Variants in SP140 observed in about 807,000 individuals in gnomAD.
SP140 encodes the protein nuclear body protein SP140.
A neutral mutation model predicts 125.0 loss-of-function variants in SP140; 81 were observed. The ratio of observed to expected loss-of-function variants is 0.65; its 90% CI spans 0.54 to 0.78. SP140 has a LOEUF of 0.78. SP140 is among the 30% of genes least tolerant of loss of function. The pLI is 0.00. For missense variants in SP140, 858 were observed against 1,037.0 expected (o/e 0.83, Z 2.37); for synonymous variants, 312 against 354.0 (o/e 0.88, Z 1.33).
chr2:230,305,199 A>G (rs975509706), intron 22 of SP140, among the ~76,000 whole-genome samples: 4 of 152,254 alleles, frequency 2.6e-5, no homozygotes, highest in East Asian at 1.9e-4. Flanking sequence ...CAAAACCGCA[A>G]TGCGATACCA....
chr2:230,240,105 A>G (rs377328494), intron 3 of SP140, among the ~76,000 whole-genome samples: 1 of 152,230 alleles, frequency 6.6e-6, no homozygotes, highest in African/African-American at 2.4e-5. Context: ...TTGTAAAAAG[A>G]TTGAAAAAAG....
chr2:230,308,724 G>C (rs559787036), intron 22 of SP140, among the ~76,000 whole-genome samples: 14 of 152,332 alleles, frequency 9.2e-5, no homozygotes, highest in African/African-American at 3.4e-4. Context: ...TCAAAAATAC[G>C]CAGAAGGTGC....
chr2:230,254,889 G>T (rs1487162159), intron 11 of SP140, among the ~76,000 whole-genome samples: 1 of 152,068 alleles, frequency 6.6e-6, no homozygotes, highest in Non-Finnish European at 1.5e-5. Flanking sequence ...TTTTATATGT[G>T]GGCCCTTGAG....
At chr2:230,206,940 AG>A (rs1228446165) in intron 1 of SP140, among the ~76,000 whole-genome samples, 8 of 152,112 alleles carry the variant, frequency 5.3e-5, no homozygotes, top group African/African-American at 1.7e-4. Flanking sequence ...TAAATCCTAA[AG>A]TACCAGGAAA....
At chr2:230,292,616 G>A (rs1158337478) in intron 19 of SP140, 30 bp from the exon 20 acceptor site, 1 of 1,613,724 alleles carries the variant, frequency 6.2e-7, no homozygotes, top group Admixed American at 1.7e-5. Context: ...AAAAAAGAGG[G>A]CTCAGGATCA....
chr2:230,189,596 G>T, the SP140 span, among the ~76,000 whole-genome samples: 5 of 151,954 alleles, frequency 3.3e-5, no homozygotes, highest in Admixed American at 3.3e-4. Flanking sequence ...CCCCAAAATG[G>T]GACACACGTG....
In SP140 at chr2:230,312,584, A is replaced by G. The variant is rs762630036; in HGVS notation, c.2506-2A>G. 2 of 1,592,390 alleles carry G rather than the reference A, an allele frequency of 1.3e-6. No homozygotes were observed. Among genetic ancestry groups the G allele is most frequent in the Non-Finnish European group, 1.7e-6 (2 of 1,163,824 alleles). ...TTGTTTTTGTCTTTATTATTTTTTC[A>G]GTACAAGGATTTTGGCCAAATGGGA... On this transcript the variant is annotated splice_acceptor_variant, in intron 26 of 26. Coordinates refer to ENST00000392045, the MANE Select transcript of SP140 (RefSeq NM_007237.5). LOFTEE classifies it high-confidence loss of function.
In SP140 at chr2:230,216,701, G is replaced by C. The variant is rs564958619; in HGVS notation, c.-91+2627G>C. ...GGCCTTCCAAACTCTGGAAGCCCTG[G>C]TGGTTTGTGGTTTGAGACTTTAATA... On this transcript the variant is annotated intron_variant, in intron 3 of 4. Transcript: ENST00000456542. The C allele has an allele frequency of 4.3e-4, 676 of 1,556,668 alleles. 1 individual carries two copies. The Middle Eastern group carries it at 6.1e-3, about 14-fold the overall frequency.
intron 3 of SP140, 25 bp from the exon 4 acceptor site, chr2:230,241,379 G>A: frequency 6.9e-7 from 1 of 1,447,870 alleles, no homozygotes; most frequent in Non-Finnish European, 9.7e-7. Context: ...TCTGAGTTTG[G>A]TAATTTTCAC....
At position 230,251,069 on chromosome 2, in the gene SP140, A is replaced by G; in HGVS notation, c.1057+8A>G. On this transcript the variant is annotated splice_region_variant and intron_variant, in intron 10 of 26. Transcript: ENST00000392045. ...TAGCAAGATGTGGGTCAGGTAAAGA[A>G]GGGGAGGATTTCTGGCCCTGGGCTG... 2 of 1,611,558 alleles carry G rather than the reference A, an allele frequency of 1.2e-6. No homozygotes were observed. Among genetic ancestry groups the G allele is most frequent in the African/African-American group, 2.7e-5 (2 of 74,982 alleles).
intron 7 of SP140, among the ~76,000 whole-genome samples, chr2:230,246,377 G>A (rs150951777): frequency 3.3e-4 from 50 of 152,264 alleles, no homozygotes; most frequent in African/African-American, 1.1e-3. Context: ...ATATTACCAC[G>A]TTGGGTAACA....
chr2:230,257,096 A>G (rs752201057), intron 12 of SP140, among the ~76,000 whole-genome samples: 1 of 151,972 alleles, frequency 6.6e-6, no homozygotes, highest in East Asian at 1.9e-4. Flanking sequence ...TGAGGTGGGC[A>G]TGGGTTGGGG....
At chr2:230,251,443 A>T (rs1302879223) in intron 10 of SP140, among the ~76,000 whole-genome samples, 1 of 152,212 alleles carries the variant, frequency 6.6e-6, no homozygotes, top group Non-Finnish European at 1.5e-5. Flanking sequence ...GGGGCCAGAC[A>T]AACTGGGTAA....
At chr2:230,271,691 G>A (rs1388490577) in intron 15 of SP140, among the ~76,000 whole-genome samples, 4 of 151,330 alleles carry the variant, frequency 2.6e-5, no homozygotes, top group Non-Finnish European at 5.9e-5. Context: ...AGAGGGAAGA[G>A]GTATATTGAA....
At chr2:230,304,639 A>G (rs761736866) in intron 22 of SP140, among the ~76,000 whole-genome samples, 1 of 152,210 alleles carries the variant, frequency 6.6e-6, no homozygotes, top group Non-Finnish European at 1.5e-5. Context: ...TGACAAAGCA[A>G]ACAAAAGCAT....
chr2:230,299,747 T>A (rs1281867018), intron 22 of SP140, among the ~76,000 whole-genome samples: 1 of 152,136 alleles, frequency 6.6e-6, no homozygotes, highest in Non-Finnish European at 1.5e-5. Context: ...TGCCTGGATA[T>A]AAATTTGGCT....
rs370517791 is a variant in SP140 at position 230,258,080 on chromosome 2, A to T, written c.1240+2548A>T. Among the ~76,000 whole-genome samples, 4 of 152,178 alleles carry T rather than the reference A, an allele frequency of 2.6e-5. No homozygotes were observed. The East Asian group carries it at 5.8e-4, about 22-fold the overall frequency. On this transcript the variant is annotated intron_variant, in intron 12 of 26. Coordinates refer to ENST00000392045, the MANE Select transcript of SP140 (RefSeq NM_007237.5). Reference sequence around the variant, plus strand: ...CAGAAGCTATTGTTGATTAATTGGGATGATTCTGGTTGTTATTGACCATAT... The same window carrying T: ...CAGAAGCTATTGTTGATTAATTGGGTTGATTCTGGTTGTTATTGACCATAT...
rs149703881 is a variant in SP140 at position 230,253,406 on chromosome 2, G to T, written c.1148G>T (p.Gly383Val). The part of the protein sequence containing the change: ...EPEKELSLLP[G>V]EGEEGSDDCS... ...GAGAAGGAGCTCAGTCTACTACCAG[G>T]TGAAGGAGAAGGTAATTATGATGTA... Residue 383 changes from glycine (G) to valine (V), a missense_variant, in exon 11 of 27, where the codon GGT (glycine) becomes GTT (valine). Gly to Val is a moderately radical substitution (Grantham distance 109). Around this residue, in one of 4 missense-constraint regions of SP140, gnomAD observed 791 missense variants for 869.5 expected, o/e 0.91. Coordinates refer to ENST00000392045, the MANE Select transcript of SP140 (RefSeq NM_007237.5). 1.5e-4 allele frequency: 238 copies of T among 1,599,490 alleles called. 2 individuals are homozygous for T. The African/African-American group carries it at 2.8e-3, about 19-fold the overall frequency.
chr2:230,251,232 G>A (rs1010882334), intron 10 of SP140, among the ~76,000 whole-genome samples, 171 bp downstream of exon 10: 4 of 152,190 alleles, frequency 2.6e-5, no homozygotes, highest in African/African-American at 7.2e-5. Context: ...AATGCAGGGA[G>A]GAATCTTGAT....
Sources: gnomAD v4.1 joint callset for allele counts (sites outside exome capture counted in the v4.1 genomes callset) on GRCh38, gnomAD v4.1.1 for gene constraint, gnomAD v4.1.1 regional missense constraint, MANE v1.5 for transcripts, NCBI Gene and HGNC (gene_info 2026-07-23, HGNC 2026-07-21) for gene names.